ZFR: variants seen among roughly 807,000 people sequenced by gnomAD.
ZFR encodes the protein zinc finger RNA-binding protein.
A neutral mutation model predicts 130.7 loss-of-function variants in ZFR; 19 were observed. That is an observed-to-expected ratio of 0.15 (90% CI 0.10 to 0.21). The LOEUF (loss-of-function observed/expected upper bound fraction) is 0.21, where lower values mean the gene tolerates loss of function less well. ZFR is among the 10% of genes least tolerant of loss of function. The pLI is 1.00. For missense variants in ZFR, 872 were observed against 1,321.5 expected (o/e 0.66, Z 5.27); for synonymous variants, 466 against 456.9 (o/e 1.02, Z -0.25).
chr5:32,397,026 C>T (rs758036012), intron 10 of ZFR, among the ~76,000 whole-genome samples, 193 bp downstream of exon 10: 2 of 152,134 alleles, frequency 1.3e-5, no homozygotes, highest in Non-Finnish European at 2.9e-5. Flanking sequence ...TGTTATTCTT[C>T]TTTATTTTAA....
intron 16 of ZFR, 113 bp downstream of exon 16, chr5:32,379,962 T>A: frequency 4.0e-6 from 3 of 742,678 alleles, no homozygotes; most frequent in Non-Finnish European, 6.4e-6. Context: ...ATATTTAATT[T>A]AAAATAGTAT....
chr5:32,413,192 C>A (rs1452200867), intron 5 of ZFR, among the ~76,000 whole-genome samples: 8 of 149,508 alleles, frequency 5.4e-5, no homozygotes, highest in Admixed American at 4.7e-4. Flanking sequence ...CTTTTAATCT[C>A]AAAAAAAACA....
intron 2 of ZFR, among the ~76,000 whole-genome samples, chr5:32,438,684 T>C (rs543908501): frequency 6.6e-6 from 1 of 152,312 alleles, no homozygotes; most frequent in East Asian, 1.9e-4. Flanking sequence ...CTATTAGTAA[T>C]GAGGACTCCA....
chr5:32,355,593 AAAT>A lies in ZFR; in HGVS notation c.*164_*166del. On this transcript the variant is annotated 3_prime_UTR_variant, in exon 20 of 20. Transcript: ENST00000265069. ...TTTTTTTTTGGGTGTCTTTCCATTC[AAAT>A]AATACCTAACACTGTACATTTTTTA... The A allele has an allele frequency of 1.9e-6, 1 of 530,204 alleles. No homozygotes were observed. Among genetic ancestry groups the A allele is most frequent in the Non-Finnish European group, 2.9e-6 (1 of 342,640 alleles). 32.8% of individuals were successfully genotyped at this position (530,204 alleles called of 1,614,324 possible).
At chr5:32,386,399 T>C (rs548834227) in intron 14 of ZFR, among the ~76,000 whole-genome samples, 35 of 152,258 alleles carry the variant, frequency 2.3e-4, no homozygotes, top group African/African-American at 7.0e-4. Flanking sequence ...TATCCACTTA[T>C]ATAGGTGGGT....
chr5:32,373,278 A>G (rs1277465773), intron 17 of ZFR, among the ~76,000 whole-genome samples: 6 of 152,116 alleles, frequency 3.9e-5, no homozygotes. Context: ...CTGTAATCCC[A>G]GCTACTCAGG....
intron 17 of ZFR, among the ~76,000 whole-genome samples, chr5:32,377,416 G>A (rs1297586107): frequency 6.6e-6 from 1 of 151,234 alleles, no homozygotes; most frequent in Non-Finnish European, 1.5e-5. Context: ...TTCTGACCTT[G>A]TGATCCACCC....
chr5:32,378,423 AG>A (rs1263290347), intron 17 of ZFR, among the ~76,000 whole-genome samples: 1 of 152,214 alleles, frequency 6.6e-6, no homozygotes, highest in Non-Finnish European at 1.5e-5. Flanking sequence ...TTAAAAAAAA[AG>A]AACTAAGGTA....
intron 7 of ZFR, 36 bp downstream of exon 7, chr5:32,403,870 T>C (rs1349878038): frequency 6.6e-7 from 1 of 1,507,756 alleles, no homozygotes; most frequent in Non-Finnish European, 8.9e-7. Context: ...GATAACAGAA[T>C]CAAGGCATAA....
intron 19 of ZFR, among the ~76,000 whole-genome samples, chr5:32,356,358 CA>C (rs1159060493): frequency 6.6e-6 from 1 of 152,120 alleles, no homozygotes; most frequent in African/African-American, 2.4e-5. Context: ...GTGGATGTAC[CA>C]AACTTATTTA....
At chr5:32,413,914 T>A (rs1753765852) in intron 5 of ZFR, among the ~76,000 whole-genome samples, 1 of 152,210 alleles carries the variant, frequency 6.6e-6, no homozygotes, top group South Asian at 2.1e-4. Flanking sequence ...TACTGGTGAA[T>A]GATGAGCAGG....
chr5:32,385,195 A>AT (rs1162910957), intron 15 of ZFR, among the ~76,000 whole-genome samples: 3 of 151,252 alleles, frequency 2.0e-5, no homozygotes, highest in African/African-American at 4.9e-5. Flanking sequence ...TTTTAAAACC[A>AT]TTTTTTCATG....
intron 5 of ZFR, among the ~76,000 whole-genome samples, chr5:32,410,529 T>A (rs1561902792): frequency 6.7e-6 from 1 of 149,940 alleles, no homozygotes; most frequent in Non-Finnish European, 1.5e-5. Context: ...GGTGGGAGGA[T>A]CTCTTGAGGT....
At chr5:32,392,761 G>A (rs1451401873) in intron 11 of ZFR, among the ~76,000 whole-genome samples, 1 of 152,158 alleles carries the variant, frequency 6.6e-6, no homozygotes, top group African/African-American at 2.4e-5. Context: ...TTGGGAGACC[G>A]AGGCGGGCAG....
At chr5:32,387,871 TA>T (rs879867089) in intron 13 of ZFR, among the ~76,000 whole-genome samples, 172 bp from the exon 14 acceptor site, 349 of 145,958 alleles carry the variant, frequency 2.4e-3, no homozygotes, top group Middle Eastern at 0.014. Flanking sequence ...GCAATGTGGA[TA>T]AAAAAAAAAA....
At chr5:32,361,262 A>G (rs745669524) in intron 19 of ZFR, among the ~76,000 whole-genome samples, 14 of 152,206 alleles carry the variant, frequency 9.2e-5, no homozygotes, top group Non-Finnish European at 1.8e-4. Flanking sequence ...TCTAGTTGCT[A>G]AGAATTTTGG....
intron 8 of ZFR, among the ~76,000 whole-genome samples, chr5:32,402,113 A>C (rs1753461267): frequency 6.6e-6 from 1 of 152,194 alleles, no homozygotes; most frequent in Non-Finnish European, 1.5e-5. Flanking sequence ...AAGATTTTAA[A>C]AGTCACTGCC....
At chr5:32,383,078 A>C (rs1561875521) in intron 15 of ZFR, among the ~76,000 whole-genome samples, 1 of 152,258 alleles carries the variant, frequency 6.6e-6, no homozygotes, top group Non-Finnish European at 1.5e-5. Context: ...GAATATATTA[A>C]TTCAAATTAA....
intron 2 of ZFR, 47 bp downstream of exon 2, chr5:32,444,182 C>G: frequency 6.3e-7 from 1 of 1,576,988 alleles, no homozygotes; most frequent in Non-Finnish European, 8.6e-7. Context: ...GGATCCGGAC[C>G]GAGGGGAGAG....
Sources: gnomAD v4.1 joint callset for allele counts (sites outside exome capture counted in the v4.1 genomes callset) on GRCh38, gnomAD v4.1.1 for gene constraint, MANE v1.5 for transcripts, NCBI Gene and HGNC (gene_info 2026-07-23, HGNC 2026-07-21) for gene names.